PRSS38: variants seen among roughly 807,000 people sequenced by gnomAD.
The protein encoded by PRSS38 is marapsin 2.
A neutral mutation model predicts 26.8 loss-of-function variants in PRSS38; 22 were observed. The ratio of observed to expected loss-of-function variants is 0.82; its 90% CI spans 0.59 to 1.17. The LOEUF is 1.17. PRSS38 is among the 50% of genes most tolerant of loss of function. The pLI, the probability that PRSS38 is intolerant of heterozygous loss-of-function variation, is 0.00. For missense variants in PRSS38, 427 were observed against 422.7 expected (o/e 1.01, Z -0.09); for synonymous variants, 175 against 172.1 (o/e 1.02, Z -0.13).
chr1:227,828,309 C>T (rs1353166286), intron 3 of PRSS38, among the ~76,000 whole-genome samples: 5 of 152,132 alleles, frequency 3.3e-5, no homozygotes, highest in African/African-American at 4.8e-5. Flanking sequence ...CCCACTATTA[C>T]TGTGTGGGAG....
intron 3 of PRSS38, among the ~76,000 whole-genome samples, chr1:227,820,139 T>C (rs1664982857): frequency 1.3e-5 from 2 of 150,528 alleles, no homozygotes; most frequent in Non-Finnish European, 3.0e-5. Context: ...TTTTTATGTG[T>C]TGGCCTTATA....
chr1:227,820,183 T>C (rs1664983524), intron 3 of PRSS38, among the ~76,000 whole-genome samples: 1 of 151,520 alleles, frequency 6.6e-6, no homozygotes, highest in South Asian at 2.1e-4. Context: ...TTATTATATG[T>C]AGTAGTTTTG....
intron 4 of PRSS38, 116 bp from the exon 5 acceptor site, chr1:227,845,838 C>A: frequency 7.1e-7 from 1 of 1,418,162 alleles, no homozygotes; most frequent in Non-Finnish European, 9.6e-7. Flanking sequence ...GAGAGGGGGG[C>A]ACTGGCCCCT....
chr1:227,833,604 G>A (rs1207661157), intron 3 of PRSS38, among the ~76,000 whole-genome samples: 4 of 151,990 alleles, frequency 2.6e-5, no homozygotes, highest in Non-Finnish European at 4.4e-5. Flanking sequence ...AGTCAAAATC[G>A]TGGGTTATGG....
intron 3 of PRSS38, among the ~76,000 whole-genome samples, chr1:227,818,217 C>T (rs1251980466): frequency 1.3e-5 from 2 of 152,074 alleles, no homozygotes; most frequent in Non-Finnish European, 2.9e-5. Flanking sequence ...GTGGCCAGGC[C>T]TGGAGATTTC....
At position 227,816,699 on chromosome 1, in the gene PRSS38, A is replaced by G. The variant is rs1408800308; in HGVS notation, c.311+447A>G. Reference sequence around the variant, plus strand: ...ACAAGTGAGGCTGGTCCTCAAGGGCACAGCCAGATTCCCACAAGTGAGGCT... The same window carrying G: ...ACAAGTGAGGCTGGTCCTCAAGGGCGCAGCCAGATTCCCACAAGTGAGGCT... On this transcript the variant is annotated intron_variant, in intron 2 of 4. Coordinates refer to ENST00000366757, the Ensembl canonical transcript of PRSS38. The surrounding 1 kb of genome is among the most constrained non-coding windows in gnomAD (Gnocchi z 5.1). 6.6e-6 allele frequency among the ~76,000 whole-genome samples: 1 copy of G among 152,018 alleles called. No individual in the cohort carries two copies. The highest frequency in any genetic ancestry group is 1.5e-5 in the Non-Finnish European group (1 of 68,006).
intron 3 of PRSS38, among the ~76,000 whole-genome samples, chr1:227,830,704 C>A (rs543631161): frequency 4.0e-5 from 6 of 151,754 alleles, no homozygotes; most frequent in Non-Finnish European, 8.8e-5. Context: ...AGGGTTTCAC[C>A]ATGTTGGCCA....
chr1:227,846,350 G>A (rs891193838), exon 5 of PRSS38: 3 of 1,077,712 alleles, frequency 2.8e-6, no homozygotes, highest in Non-Finnish European at 4.0e-6. Context: ...CTGAGTCCAG[G>A]AGGTGATGAG....
chr1:227,829,015 T>C (rs1665113695), intron 3 of PRSS38, among the ~76,000 whole-genome samples: 1 of 152,174 alleles, frequency 6.6e-6, no homozygotes, highest in South Asian at 2.1e-4. Context: ...TCCCTTGACT[T>C]GAGGGCAGGG....
intron 3 of PRSS38, among the ~76,000 whole-genome samples, chr1:227,827,758 C>A (rs1572084433): frequency 6.6e-6 from 1 of 151,836 alleles, no homozygotes; most frequent in East Asian, 1.9e-4. Flanking sequence ...GCTCTTGGTT[C>A]TCTAGTTCTT....
At chr1:227,829,835 A>C (rs1485462975) in intron 3 of PRSS38, among the ~76,000 whole-genome samples, 1 of 152,168 alleles carries the variant, frequency 6.6e-6, no homozygotes, top group Non-Finnish European at 1.5e-5. Flanking sequence ...CTCTAATATA[A>C]TGTTCAATAC....
intron 3 of PRSS38, among the ~76,000 whole-genome samples, chr1:227,834,209 C>T (rs1665203962): frequency 6.6e-6 from 1 of 152,202 alleles, no homozygotes; most frequent in African/African-American, 2.4e-5. Flanking sequence ...TAACGTCAGA[C>T]TTCAGGTGTG....
In PRSS38 at chr1:227,817,405, T is replaced by C. The variant is rs747162264; in HGVS notation, c.508T>C (p.Cys170Arg). Residue 170 changes from cysteine (C) to arginine (R), a missense_variant, in exon 3 of 5, where the codon TGC becomes CGC. Transcript: ENST00000366757. Reference sequence around the variant, plus strand: ...GTTTTCTGAGTCCGTGCTCCCGGTTTGCCTTGCAACTCCAGAAGTGAACCT... The same window carrying C: ...GTTTTCTGAGTCCGTGCTCCCGGTTCGCCTTGCAACTCCAGAAGTGAACCT... The C allele has an allele frequency of 3.1e-6, 5 of 1,614,048 alleles. No individual in the cohort carries two copies. In the East Asian group the frequency reaches 8.9e-5, roughly 29 times the overall value.
Position 227,831,729 on chromosome 1 carries a change from G to A in PRSS38, c.584-13741G>A, listed in dbSNP as rs561250054. 2.1e-4 allele frequency among the ~76,000 whole-genome samples: 32 copies of A among 152,248 alleles called. No individual in the cohort carries two copies. In the South Asian group the frequency reaches 6.0e-3, roughly 29 times the overall value. On this transcript the variant is annotated intron_variant, in intron 3 of 4. Coordinates refer to ENST00000366757, the Ensembl canonical transcript of PRSS38. Reference sequence around the variant, plus strand: ...TAGCTGGGTGTGGTGGCATGCACCTGTAGTCCCAGCTACTTGGGAGGCTGA... The same window carrying A: ...TAGCTGGGTGTGGTGGCATGCACCTATAGTCCCAGCTACTTGGGAGGCTGA...
exon 3 of PRSS38, chr1:227,817,254 C>T: frequency 6.2e-7 from 1 of 1,614,154 alleles, no homozygotes. Flanking sequence ...GCCTCGTAAA[C>T]CTCAGGGTGG....
intron 3 of PRSS38, among the ~76,000 whole-genome samples, chr1:227,834,943 A>T (rs76469878): frequency 0.012 from 1,800 of 152,312 alleles, 40 homozygotes; most frequent in African/African-American, 0.04. Context: ...ATGAATTGAT[A>T]AAAGCCTAGT....
chr1:227,846,329 G>A (rs752852221), exon 5 of PRSS38: 36 of 1,276,142 alleles, frequency 2.8e-5, no homozygotes, highest in South Asian at 4.3e-5. Flanking sequence ...CACCTATCCC[G>A]GGGGTGGATG....
At chr1:227,839,138 G>T (rs1185532776) in intron 3 of PRSS38, among the ~76,000 whole-genome samples, 1 of 152,126 alleles carries the variant, frequency 6.6e-6, no homozygotes, top group African/African-American at 2.4e-5. Flanking sequence ...TTGCCTGAAT[G>T]CTTTAATAAA....
At chr1:227,840,310 T>TG (rs1031800223) in intron 3 of PRSS38, among the ~76,000 whole-genome samples, 21 of 151,962 alleles carry the variant, frequency 1.4e-4, no homozygotes, top group Admixed American at 2.0e-4. Flanking sequence ...TTTGTAGAGA[T>TG]GGGGGTCTCA....
Sources: allele counts gnomAD v4.1 joint callset (sites outside exome capture counted in the v4.1 genomes callset), GRCh38; gene constraint gnomAD v4.1.1; non-coding constraint Gnocchi (gnomAD v3.1); transcripts MANE v1.5; gene names NCBI Gene and HGNC (gene_info 2026-07-23, HGNC 2026-07-21).